LINGO2: variants seen among roughly 807,000 people sequenced by gnomAD.
LINGO2 encodes the protein leucine-rich repeat and immunoglobulin-like domain-containing nogo receptor-interacting protein 2.
Under a neutral mutation model 30.6 loss-of-function variants are expected in LINGO2, and 14 were observed. That is an observed-to-expected ratio of 0.46 (90% confidence interval 0.30 to 0.72). The LOEUF (loss-of-function observed/expected upper bound fraction) is 0.72. Among genes scored for constraint, LINGO2 ranks in the 30% least tolerant of loss-of-function variants. LINGO2 has a pLI of 0.07. For missense variants in LINGO2, 729 were observed against 751.7 expected, an observed-to-expected ratio of 0.97 and a Z score of 0.35; for synonymous variants, 317 against 288.5, an observed-to-expected ratio of 1.10 and a Z score of -1.00.
At chr9:28,255,904 T>G (rs1453476707) in intron 4 of LINGO2, among the ~76,000 whole-genome samples, 1 of 152,096 alleles carries the variant, frequency 6.6e-6, no homozygotes, top group Non-Finnish European at 1.5e-5. Flanking sequence ...TTGTAACTTA[T>G]TATGTATGTC....
chr9:28,378,171 A>T (rs1351987466), intron 2 of LINGO2, among the ~76,000 whole-genome samples: 2 of 152,220 alleles, frequency 1.3e-5, no homozygotes, highest in Non-Finnish European at 2.9e-5. Flanking sequence ...AATTCCTCAG[A>T]CAGAAAAGTA....
intron 1 of LINGO2, among the ~76,000 whole-genome samples, chr9:28,616,969 C>A (rs1032846572): frequency 2.6e-5 from 4 of 152,198 alleles, no homozygotes; most frequent in African/African-American, 9.6e-5. Flanking sequence ...TTTTTTCTTT[C>A]TAAAATTGTG....
chr9:28,669,685 C>T (rs913492692), intron 1 of LINGO2, among the ~76,000 whole-genome samples: 4 of 151,776 alleles, frequency 2.6e-5, no homozygotes, highest in African/African-American at 4.8e-5. Flanking sequence ...CACAAGCCAC[C>T]GTAAGGGCCA....
intron 2 of LINGO2, among the ~76,000 whole-genome samples, chr9:28,419,784 A>T (rs1358781959): frequency 3.4e-5 from 5 of 147,530 alleles, no homozygotes; most frequent in Non-Finnish European, 7.5e-5. Flanking sequence ...TAGAAATACT[A>T]CAAAAGAACA....
chr9:28,516,678 T>C (rs1820631417), intron 1 of LINGO2, among the ~76,000 whole-genome samples: 2 of 152,218 alleles, frequency 1.3e-5, no homozygotes, highest in African/African-American at 4.8e-5. Context: ...TATTTGATAT[T>C]CTCATCAACA....
the LINGO2 span, among the ~76,000 whole-genome samples, chr9:29,041,163 A>G: frequency 7.9e-5 from 12 of 152,054 alleles, no homozygotes; most frequent in Non-Finnish European, 1.8e-4. Context: ...TCTTGCTTGC[A>G]ATGATAAATA....
At chr9:28,553,198 C>G (rs1433579528) in intron 1 of LINGO2, among the ~76,000 whole-genome samples, 2 of 152,004 alleles carry the variant, frequency 1.3e-5, no homozygotes, top group Non-Finnish European at 2.9e-5. Context: ...TCAAATTACT[C>G]TGAGCTAAGG....
intron 2 of LINGO2, among the ~76,000 whole-genome samples, chr9:28,390,478 T>C (rs997839423): frequency 6.6e-6 from 1 of 152,200 alleles, no homozygotes; most frequent in African/African-American, 2.4e-5. Context: ...CTTTCAGCTT[T>C]TGTGTTTATG....
the LINGO2 span, among the ~76,000 whole-genome samples, chr9:28,860,213 T>C: frequency 3.3e-5 from 5 of 152,148 alleles, no homozygotes; most frequent in Non-Finnish European, 7.3e-5. Flanking sequence ...ATTAATTTTA[T>C]TTGTCAACGT....
intron 3 of LINGO2, among the ~76,000 whole-genome samples, chr9:28,296,478 G>A (rs76566842): frequency 0.031 from 4,720 of 152,226 alleles, 139 homozygotes; most frequent in South Asian, 0.093. Flanking sequence ...GGACACAGGT[G>A]CAAAAACTGA....
chr9:28,363,566 G>T (rs901325141), intron 3 of LINGO2, among the ~76,000 whole-genome samples: 1 of 152,124 alleles, frequency 6.6e-6, no homozygotes, highest in Non-Finnish European at 1.5e-5. Flanking sequence ...TCAGCAAAAA[G>T]GGTGGAACAC....
intron 3 of LINGO2, among the ~76,000 whole-genome samples, chr9:28,316,657 A>G (rs1390783842): frequency 6.6e-6 from 1 of 152,180 alleles, no homozygotes; most frequent in African/African-American, 2.4e-5. Flanking sequence ...GGACTAAAGG[A>G]CAAATCACAT....
chr9:28,487,543 G>A (rs1826219323), intron 1 of LINGO2, among the ~76,000 whole-genome samples: 1 of 152,144 alleles, frequency 6.6e-6, no homozygotes, highest in Non-Finnish European at 1.5e-5. Context: ...ATTCTCCCAT[G>A]GAACATTCTC....
chr9:28,410,049 GGA>G (rs1220253831), intron 2 of LINGO2, among the ~76,000 whole-genome samples: 1 of 149,350 alleles, frequency 6.7e-6, no homozygotes, highest in Non-Finnish European at 1.5e-5. Flanking sequence ...AGGGATGGAG[GGA>G]GAGAGGAAAG....
chr9:28,759,666 A>T, the LINGO2 span, among the ~76,000 whole-genome samples: 1 of 151,532 alleles, frequency 6.6e-6, no homozygotes, highest in Non-Finnish European at 1.5e-5. Context: ...TGGGCGATAG[A>T]GCAAGAATCT....
intron 4 of LINGO2, among the ~76,000 whole-genome samples, chr9:28,290,021 T>C (rs897438399): frequency 6.6e-6 from 1 of 152,216 alleles, no homozygotes; most frequent in Non-Finnish European, 1.5e-5. Flanking sequence ...GGAAGCCATG[T>C]ACATGTCTTC....
chr9:28,729,620 TA>T, the LINGO2 span, among the ~76,000 whole-genome samples: 4 of 150,458 alleles, frequency 2.7e-5, no homozygotes, highest in Non-Finnish European at 5.9e-5. Flanking sequence ...AATGAAAACT[TA>T]AAAAAAACAG....
chr9:28,851,831 T>C, the LINGO2 span, among the ~76,000 whole-genome samples: 50 of 152,048 alleles, frequency 3.3e-4, no homozygotes, highest in African/African-American at 1.2e-3. Flanking sequence ...TGAGAAGTTA[T>C]ACTACTTTTA....
intron 1 of LINGO2, among the ~76,000 whole-genome samples, chr9:28,668,166 T>G (rs1828873872): frequency 1.3e-5 from 2 of 152,080 alleles, no homozygotes; most frequent in South Asian, 4.1e-4. Flanking sequence ...TCTTGGAGAT[T>G]AGCAATAAAA....
Sources: allele counts gnomAD v4.1 joint callset (sites outside exome capture counted in the v4.1 genomes callset), GRCh38; gene constraint gnomAD v4.1.1; transcripts MANE v1.5; gene names NCBI Gene and HGNC (gene_info 2026-07-23, HGNC 2026-07-21).